Variants in MYLK3 observed in about 807,000 individuals in gnomAD.
The protein encoded by MYLK3 is MLC kinase.
MYLK3 carries 55 observed loss-of-function variants against 76.3 expected under a neutral mutation model. The observed-to-expected ratio is 0.72, with a 90% CI of 0.58 to 0.90. MYLK3 has a LOEUF of 0.90. Ranked by LOEUF, MYLK3 falls within the 40% of genes least tolerant of loss-of-function variation. The probability of loss-of-function intolerance (pLI) is 0.00; values close to 1 mark genes in which losing one functional copy is unlikely to be tolerated. For missense variants in MYLK3, 973 were observed against 1,053.6 expected, an observed-to-expected ratio of 0.92 and a Z score of 1.06; for synonymous variants, 416 against 425.4, an observed-to-expected ratio of 0.98 and a Z score of 0.27.
intron 8 of MYLK3, among the ~76,000 whole-genome samples, chr16:46,721,395 G>A (rs1966798344): frequency 6.6e-6 from 1 of 152,176 alleles, no homozygotes; most frequent in Non-Finnish European, 1.5e-5. Flanking sequence ...GGGAACTGGA[G>A]GCTCCCAGCC....
chr16:46,740,900 G>A (rs1966920830), intron 1 of MYLK3, among the ~76,000 whole-genome samples: 1 of 152,148 alleles, frequency 6.6e-6, no homozygotes, highest in South Asian at 2.1e-4. Context: ...ACTGGTCATG[G>A]CTACTACAGC....
At position 46,732,336 on chromosome 16, in the gene MYLK3, A is replaced by G. The variant is rs1966854118; in HGVS notation, c.1334T>C (p.Leu445Pro). The G allele has an allele frequency of 1.2e-6, 2 of 1,612,922 alleles. No individual in the cohort carries two copies. Among genetic ancestry groups the G allele is most frequent in the African/African-American group, 1.3e-5 (1 of 74,928 alleles). ...CGCCCCTGGGCTTTTGCCCTGCTGC[A>G]GGCCCAGGGCCCCAACCTCGTGGTC... Reference protein sequence around the residue: ...DNDHEVGALGLQQGKSPGAGN... With the variant: ...DNDHEVGALGPQQGKSPGAGN... Residue 445 changes from leucine (L) to proline (P), a missense_variant, in exon 4 of 13, where the codon CTG becomes CCG. Leu to Pro is a moderately conservative substitution (Grantham distance 98, BLOSUM62 -3). Coordinates refer to ENST00000394809, the MANE Select transcript of MYLK3 (RefSeq NM_182493.3).
intron 11 of MYLK3, among the ~76,000 whole-genome samples, chr16:46,709,885 G>A (rs1966665691): frequency 6.6e-6 from 1 of 152,152 alleles, no homozygotes; most frequent in Non-Finnish European, 1.5e-5. Context: ...GACCTCTATA[G>A]GGGGAACATA....
At chr16:46,730,720 C>T in intron 4 of MYLK3, 22 bp from the exon 5 acceptor site, 1 of 1,608,606 alleles carries the variant, frequency 6.2e-7, no homozygotes. Context: ...GCAATAAGGA[C>T]CTGTGAGCCT....
At position 46,747,966 on chromosome 16, in the gene MYLK3, G is replaced by C; in HGVS notation, c.228C>G (p.Gly76=). The C allele has an allele frequency of 6.2e-7, 1 of 1,612,900 alleles. No individual in the cohort carries two copies. The highest frequency in any genetic ancestry group is 8.5e-7 in the Non-Finnish European group (1 of 1,179,758). Residue 76 remains glycine (G), a synonymous_variant, in exon 1 of 13, where the codon GGC becomes GGG. Coordinates refer to ENST00000394809, the MANE Select transcript of MYLK3 (RefSeq NM_182493.3). ...CAATGTGGGGAACCCCATCAGCCCCGCCCGGGCCCGGTGCCCGGGAGGCCT... is the reference window on the plus strand; with the variant it reads ...CAATGTGGGGAACCCCATCAGCCCCCCCCGGGCCCGGTGCCCGGGAGGCCT... The part of the protein sequence containing the change: ...RLEASRAPGP[G]GADGVPHIDT...
rs1420709814 is a variant in MYLK3, at chr16:46,705,499, AG to A, written c.*2204del. ...AGCCAAGAACACACCAGTGCACTCCAGCCTGGGTGACAGAGGAAGACTCTCT... is the reference window on the plus strand; with the variant it reads ...AGCCAAGAACACACCAGTGCACTCCACCTGGGTGACAGAGGAAGACTCTCT... On this transcript the variant is annotated 3_prime_UTR_variant, in exon 13 of 13. Transcript: ENST00000394809. The A allele has an allele frequency of 2.0e-5, 3 of 152,182 alleles. No individual in the cohort carries two copies. Among genetic ancestry groups the A allele is most frequent in the Non-Finnish European group, 4.4e-5 (3 of 68,054 alleles). 9.4% of individuals were successfully genotyped at this position (152,182 alleles called of 1,614,324 possible). A position where few individuals can be genotyped will look rare whatever the true frequency, so the allele number is the denominator to read the frequency against.
chr16:46,711,242 A>G (rs1966680252), intron 10 of MYLK3, among the ~76,000 whole-genome samples: 1 of 152,210 alleles, frequency 6.6e-6, no homozygotes, highest in Non-Finnish European at 1.5e-5. Flanking sequence ...GAGAATCAGG[A>G]CACCCTGACG....
chr16:46,713,204 T>TA (rs1195858785), intron 9 of MYLK3, among the ~76,000 whole-genome samples: 2 of 150,790 alleles, frequency 1.3e-5, no homozygotes, highest in African/African-American at 4.9e-5. Context: ...GATGCCTTTT[T>TA]TTTTTTTTTT....
Position 46,707,570 on chromosome 16 carries a change from G to T in MYLK3, c.*134C>A. The T allele has an allele frequency of 1.6e-6, 1 of 613,462 alleles. No individual in the cohort carries two copies. The highest frequency in any genetic ancestry group is 2.9e-6 in the Non-Finnish European group (1 of 349,484). 38.0% of individuals were successfully genotyped at this position (613,462 alleles called of 1,614,324 possible). A position where few individuals can be genotyped will look rare whatever the true frequency, so the allele number is the denominator to read the frequency against. On this transcript the variant is annotated 3_prime_UTR_variant, in exon 13 of 13. Coordinates refer to ENST00000394809, the MANE Select transcript of MYLK3 (RefSeq NM_182493.3). Reference sequence around the variant, plus strand: ...CTTTTCATCCACAAGGAAGGCAGCAGCCATAACCATTTTTACAAAATAAGT... The same window carrying T: ...CTTTTCATCCACAAGGAAGGCAGCATCCATAACCATTTTTACAAAATAAGT...
chr16:46,707,426 T>C lies in MYLK3; in HGVS notation c.*278A>G. The C allele has an allele frequency of 3.1e-6, 1 of 327,728 alleles. No homozygotes were observed. Among genetic ancestry groups the C allele is most frequent in the South Asian group, 7.9e-5 (1 of 12,668 alleles). The allele number at this position is 327,728 out of a possible 1,614,324, so 20.3% of individuals were successfully genotyped here. A position where few individuals can be genotyped will look rare whatever the true frequency, so the allele number is the denominator to read the frequency against. Reference sequence around the variant, plus strand: ...ATTCGACAGATGCAAAGTACCTACCTAAAGCATCCCTACACTTACCACCAA... The same window carrying C: ...ATTCGACAGATGCAAAGTACCTACCCAAAGCATCCCTACACTTACCACCAA... On this transcript the variant is annotated 3_prime_UTR_variant, in exon 13 of 13. Transcript: ENST00000394809.
At chr16:46,727,403 C>T in intron 7 of MYLK3, 26 bp from the exon 8 acceptor site, 2 of 1,592,438 alleles carry the variant, frequency 1.3e-6, no homozygotes, top group African/African-American at 1.3e-5. Context: ...GAGAGGCAGG[C>T]ACCAGCCTAA....
chr16:46,744,460 G>A (rs1185127925), intron 1 of MYLK3, among the ~76,000 whole-genome samples: 1 of 145,982 alleles, frequency 6.9e-6, no homozygotes, highest in Non-Finnish European at 1.5e-5. Flanking sequence ...TCCTGCCTCA[G>A]CCTCCCAAGT....
chr16:46,732,960 C>T (rs1042888654), intron 3 of MYLK3, among the ~76,000 whole-genome samples: 1 of 152,174 alleles, frequency 6.6e-6, no homozygotes, highest in Non-Finnish European at 1.5e-5. Flanking sequence ...AGGCCCGGGT[C>T]CCTCTACCTT....
intron 6 of MYLK3, 135 bp from the exon 7 acceptor site, chr16:46,729,268 A>G (rs575519793): frequency 2.1e-4 from 150 of 702,010 alleles, no homozygotes; most frequent in Non-Finnish European, 3.5e-4. Context: ...TCCCTGACTC[A>G]ACACCCAAAC....
intron 3 of MYLK3, 130 bp downstream of exon 3, chr16:46,737,581 G>T: frequency 1.2e-6 from 1 of 863,908 alleles, no homozygotes. Flanking sequence ...CAGGGCCCAG[G>T]CCTCCTCCCC....
intron 3 of MYLK3, among the ~76,000 whole-genome samples, chr16:46,734,049 A>G (rs2143015306): frequency 6.6e-6 from 1 of 152,310 alleles, no homozygotes; most frequent in South Asian, 2.1e-4. Context: ...CAGCAACTCC[A>G]CTTCTGGGTA....
chr16:46,736,055 T>C (rs36461), intron 3 of MYLK3, among the ~76,000 whole-genome samples: 150,075 of 152,266 alleles, frequency 0.99, 73,983 homozygotes, highest in East Asian at 1. Flanking sequence ...TCTCCCAGGC[T>C]GGAGTGCAAT....
chr16:46,755,609 A>G (rs937221179), intron 1 of MYLK3, among the ~76,000 whole-genome samples: 3 of 152,204 alleles, frequency 2.0e-5, no homozygotes, highest in Non-Finnish European at 4.4e-5. Flanking sequence ...TGTGGAGAGC[A>G]TGGGACCTGG....
upstream of MYLK3, among the ~76,000 whole-genome samples, chr16:46,753,239 C>T (rs1371676212): frequency 6.6e-6 from 1 of 152,154 alleles, no homozygotes; most frequent in Non-Finnish European, 1.5e-5. Flanking sequence ...AAATGGGGAG[C>T]AGGAATGCAA....
Sources: allele counts gnomAD v4.1 joint callset (sites outside exome capture counted in the v4.1 genomes callset), GRCh38; gene constraint gnomAD v4.1.1; transcripts MANE v1.5; gene names NCBI Gene and HGNC (gene_info 2026-07-23, HGNC 2026-07-21).